KLF8: variants seen among roughly 807,000 people sequenced by gnomAD.
KLF8 encodes KLF transcription factor 8.
In KLF8, 10 loss-of-function variants were observed where a neutral mutation model predicts 18.2. The observed-to-expected ratio is 0.55, with a 90% CI of 0.34 to 0.93. KLF8 has a LOEUF of 0.93. KLF8 is among the 40% of genes least tolerant of loss of function. The pLI, the probability that KLF8 is intolerant of heterozygous loss-of-function variation, is 0.02. For synonymous variants in KLF8, 109 were observed against 97.3 expected, an observed-to-expected ratio of 1.12 and a Z score of -0.71; for missense variants, 264 against 277.9, an observed-to-expected ratio of 0.95 and a Z score of 0.36.
chrX:55,952,180 G>A, the KLF8 span, among the ~76,000 whole-genome samples: 1 of 112,202 alleles, frequency 8.9e-6, no homozygotes, highest in African/African-American at 3.2e-5. Flanking sequence ...AATTTTTACA[G>A]CAAAGTGAGG....
chrX:55,981,422 G>T, the KLF8 span, among the ~76,000 whole-genome samples: 1 of 111,649 alleles, frequency 9.0e-6, no homozygotes, highest in South Asian at 3.7e-4. Context: ...AACTCCTCAG[G>T]ATACTTTCAT....
rs368933949 is a variant in KLF8 at position 56,265,226 on chromosome X, G to C, written c.128G>C (p.Arg43Thr). Residue 43 changes from arginine to threonine, a missense_variant, in exon 3 of 6, where the codon AGA becomes ACA. By Grantham distance (71) the Arg-to-Thr change is moderately conservative. Around this residue, in one of 2 missense-constraint regions of KLF8, gnomAD observed 221 missense variants for 193.6 expected, o/e 1.14. Coordinates refer to ENST00000468660, the MANE Select transcript of KLF8 (RefSeq NM_007250.5). ...RNRDPPEIEY[R>T]SNMTSPTLLD... ...AGAGATCCCCCTGAGATAGAATACAGAAGTAATATGACTTCTCCAACACTC... is the reference window on the plus strand; with the variant it reads ...AGAGATCCCCCTGAGATAGAATACACAAGTAATATGACTTCTCCAACACTC... The C allele has an allele frequency of 2.6e-5, 31 of 1,206,595 alleles. No individual in the cohort carries two copies. The highest frequency in any genetic ancestry group is 2.3e-4 in the Middle Eastern group (1 of 4,371).
chrX:56,058,277 T>C, the KLF8 span, among the ~76,000 whole-genome samples: 12 of 33,102 alleles, frequency 3.6e-4, no homozygotes, highest in African/African-American at 1.1e-3. Flanking sequence ...TACATATATA[T>C]ACATATATAT....
chrX:56,063,617 C>G, the KLF8 span, among the ~76,000 whole-genome samples: 1 of 111,750 alleles, frequency 8.9e-6, no homozygotes, highest in Non-Finnish European at 1.9e-5. Flanking sequence ...GTGTCCCAGT[C>G]AGGAGACATG....
At chrX:56,130,163 G>A in the KLF8 span, among the ~76,000 whole-genome samples, 3 of 111,128 alleles carry the variant, frequency 2.7e-5, no homozygotes, top group African/African-American at 9.8e-5. Flanking sequence ...CACAGCTAAT[G>A]GTCTCTTGAA....
chrX:56,071,084 C>A, the KLF8 span, among the ~76,000 whole-genome samples: 1 of 111,565 alleles, frequency 9.0e-6, no homozygotes, highest in Non-Finnish European at 1.9e-5. Context: ...ATATTAGTGT[C>A]TTTCATATTG....
At chrX:56,076,182 T>C in the KLF8 span, among the ~76,000 whole-genome samples, 8,834 of 109,033 alleles carry the variant, frequency 0.081, 890 homozygotes, top group African/African-American at 0.28. Flanking sequence ...GGTACATGTG[T>C]ACAATGTGCA....
chrX:55,953,451 A>AT, the KLF8 span, among the ~76,000 whole-genome samples: 201 of 103,902 alleles, frequency 1.9e-3, no homozygotes, highest in Admixed American at 4.7e-3. Context: ...TCCCAGGTGG[A>AT]TTTTTTTTTT....
the KLF8 span, among the ~76,000 whole-genome samples, chrX:56,153,301 G>A: frequency 1.8e-5 from 2 of 109,754 alleles, no homozygotes; most frequent in African/African-American, 6.6e-5. Context: ...TTTGAAATGA[G>A]CTATGATTGC....
At chrX:56,236,842 G>A (rs774510519) in intron 1 of KLF8, among the ~76,000 whole-genome samples, 3 of 95,857 alleles carry the variant, frequency 3.1e-5, no homozygotes, top group African/African-American at 1.0e-4. Flanking sequence ...CAAGCAATGA[G>A]TATGTTTGTG....
chrX:56,165,262 G>A, the KLF8 span, among the ~76,000 whole-genome samples: 1 of 111,457 alleles, frequency 9.0e-6, no homozygotes, highest in African/African-American at 3.3e-5. Context: ...CATTGCTTTG[G>A]GCAGTATCTG....
the KLF8 span, among the ~76,000 whole-genome samples, chrX:55,925,269 C>A: frequency 4.9e-5 from 5 of 102,725 alleles, no homozygotes; most frequent in East Asian, 9.1e-4. Flanking sequence ...CAGTTTAGTT[C>A]GGAAAGGAGG....
At chrX:56,104,648 A>G in the KLF8 span, among the ~76,000 whole-genome samples, 1 of 110,714 alleles carries the variant, frequency 9.0e-6, no homozygotes, top group African/African-American at 3.3e-5. Flanking sequence ...GATTTTGTTG[A>G]TCTTTTCAAA....
chrX:56,037,504 A>G, the KLF8 span, among the ~76,000 whole-genome samples: 23 of 111,490 alleles, frequency 2.1e-4, no homozygotes, highest in Admixed American at 5.7e-4. Flanking sequence ...TTTTTTTAAA[A>G]AAGTTTGGTA....
the KLF8 span, among the ~76,000 whole-genome samples, chrX:56,086,327 C>A: frequency 1.8e-5 from 2 of 111,637 alleles, no homozygotes; most frequent in Admixed American, 9.6e-5. Context: ...AGTGACTCCA[C>A]CTCCCAGTGA....
At chrX:55,984,615 T>C in the KLF8 span, among the ~76,000 whole-genome samples, 3 of 111,922 alleles carry the variant, frequency 2.7e-5, no homozygotes, top group African/African-American at 9.7e-5. Flanking sequence ...AACAGAATGG[T>C]CTATATTCCT....
At chrX:56,238,551 C>A (rs2375630) in intron 1 of KLF8, among the ~76,000 whole-genome samples, 59,067 of 110,555 alleles carry the variant, frequency 0.53, 13,576 homozygotes, top group Non-Finnish European at 0.73. Flanking sequence ...TCTCTCTTGG[C>A]AATAATTGCC....
the KLF8 span, among the ~76,000 whole-genome samples, chrX:56,039,702 G>A: frequency 9.0e-6 from 1 of 111,659 alleles, no homozygotes; most frequent in Non-Finnish European, 1.9e-5. Context: ...GGATTGTCTT[G>A]TCTATTTGGG....
At chrX:56,170,764 A>G in the KLF8 span, among the ~76,000 whole-genome samples, 8 of 111,716 alleles carry the variant, frequency 7.2e-5, no homozygotes, top group African/African-American at 2.3e-4. Flanking sequence ...TAGAAAGTTT[A>G]TTCAAAGGAA....
Sources: gnomAD v4.1 joint callset for allele counts (sites outside exome capture counted in the v4.1 genomes callset) on GRCh38, gnomAD v4.1.1 for gene constraint, gnomAD v4.1.1 regional missense constraint, MANE v1.5 for transcripts, NCBI Gene and HGNC (gene_info 2026-07-23, HGNC 2026-07-21) for gene names.